Variants in USH2A observed in about 807,000 individuals in gnomAD.
USH2A encodes the protein usherin, also known as Usher syndrome 2A (autosomal recessive, mild).
A neutral mutation model predicts 538.9 loss-of-function variants in USH2A; 443 were observed. That is an observed-to-expected ratio of 0.82 (90% CI 0.76 to 0.89). USH2A has a LOEUF of 0.89. Among genes scored for constraint, USH2A ranks in the 40% least tolerant of loss-of-function variants. The pLI is 0.00. For synonymous variants in USH2A, 2,413 were observed against 2,273.5 expected, an observed-to-expected ratio of 1.06 and a Z score of -1.75; for missense variants, 6,633 against 6,324.8, an observed-to-expected ratio of 1.05 and a Z score of -1.65.
At position 215,647,693 on chromosome 1, in the gene USH2A, A is replaced by G. The variant is rs1314862124; in HGVS notation, c.14620T>C (p.Ser4874Pro). Residue 4874 changes from serine (S) to proline (P), a missense_variant, in exon 67 of 72, where the codon TCA becomes CCA. By Grantham distance (74) the Ser-to-Pro change is moderately conservative. Coordinates refer to ENST00000307340, the MANE Select transcript of USH2A (RefSeq NM_206933.4). Reference sequence around the variant, plus strand: ...TGGCTGGGAGTACAGGGGAGGGCTGAGTCAGGAGGGCAAGCCACGTGGAAT... The same window carrying G: ...TGGCTGGGAGTACAGGGGAGGGCTGGGTCAGGAGGGCAAGCCACGTGGAAT... ...LQFHVACPPD[S>P]ALPCTPSQIE... 2 of 1,614,190 alleles carry G rather than the reference A, an allele frequency of 1.2e-6. No homozygotes were observed. The highest frequency in any genetic ancestry group is 1.1e-5 in the South Asian group (1 of 91,080).
chr1:215,648,323 A>T (rs1656926159), intron 66 of USH2A, among the ~76,000 whole-genome samples: 1 of 152,218 alleles, frequency 6.6e-6, no homozygotes, highest in Non-Finnish European at 1.5e-5. Flanking sequence ...TTTATGATTT[A>T]AATACATCGC....
intron 10 of USH2A, 138 bp from the exon 11 acceptor site, chr1:216,289,548 C>T: frequency 8.8e-7 from 1 of 1,141,308 alleles, no homozygotes; most frequent in Non-Finnish European, 1.3e-6. Flanking sequence ...TTCATCTCTA[C>T]CTGCCAATTT....
At chr1:215,959,358 C>A (rs1029732036) in intron 37 of USH2A, among the ~76,000 whole-genome samples, 2 of 152,050 alleles carry the variant, frequency 1.3e-5, no homozygotes, top group Non-Finnish European at 2.9e-5. Flanking sequence ...ATGCTCATTT[C>A]ATGAGCATTT....
chr1:215,743,302 T>A lies in USH2A; in HGVS notation c.11423A>T (p.Asn3808Ile). 1.9e-6 allele frequency: 3 copies of A among 1,606,714 alleles called. No homozygotes were observed. Among genetic ancestry groups the A allele is most frequent in the Non-Finnish European group, 2.5e-6 (3 of 1,177,284 alleles). ...TACACTTCCATCATTGAGTAAGACA[T>A]TGTACTCCACAGGAATTTCGGGGAT... ...ILIPEIPVEYNVLLNDGSVTP... is the reference protein window; with the variant it reads ...ILIPEIPVEYIVLLNDGSVTP... Residue 3808 changes from asparagine (N) to isoleucine (I), a missense_variant, in exon 59 of 72, where the codon AAT becomes ATT. Physicochemically the swap from Asn to Ile is moderately radical, Grantham distance 149. Transcript: ENST00000307340.
At chr1:216,352,626 G>C (rs1041173892) in intron 4 of USH2A, among the ~76,000 whole-genome samples, 1 of 151,996 alleles carries the variant, frequency 6.6e-6, no homozygotes, top group Non-Finnish European at 1.5e-5. Context: ...AAATGGGGGA[G>C]GGTCAAGAAT....
chr1:215,954,888 C>G (rs1183999796), intron 37 of USH2A, among the ~76,000 whole-genome samples: 2 of 151,992 alleles, frequency 1.3e-5, no homozygotes, highest in Non-Finnish European at 2.9e-5. Flanking sequence ...CTACAATGTC[C>G]TTCTTTCATT....
intron 21 of USH2A, among the ~76,000 whole-genome samples, chr1:216,122,356 G>A (rs186058342): frequency 1.1e-3 from 171 of 152,292 alleles, no homozygotes; most frequent in Non-Finnish European, 1.9e-3. Context: ...GATAGAGCTG[G>A]AATAGAGACT....
intron 55 of USH2A, among the ~76,000 whole-genome samples, chr1:215,770,958 A>C (rs1169947865): frequency 1.3e-5 from 2 of 150,178 alleles, no homozygotes; most frequent in Admixed American, 6.6e-5. Flanking sequence ...AAAAAAAAAA[A>C]AAAAAAAAAC....
At chr1:215,964,789 C>T (rs964309826) in intron 37 of USH2A, among the ~76,000 whole-genome samples, 1 of 152,138 alleles carries the variant, frequency 6.6e-6, no homozygotes, top group Non-Finnish European at 1.5e-5. Context: ...TTTGAAAATA[C>T]TTTCAAGGAA....
chr1:216,186,008 C>T (rs1013177219), intron 20 of USH2A, among the ~76,000 whole-genome samples: 1 of 151,574 alleles, frequency 6.6e-6, no homozygotes, highest in African/African-American at 2.4e-5. Context: ...ATACTTTTGT[C>T]ATATAAGAGA....
intron 55 of USH2A, among the ~76,000 whole-genome samples, chr1:215,778,999 T>C (rs1224638507): frequency 6.6e-6 from 1 of 152,216 alleles, no homozygotes; most frequent in Non-Finnish European, 1.5e-5. Flanking sequence ...CTCCTATTAA[T>C]GTGTTCAGGA....
intron 48 of USH2A, among the ~76,000 whole-genome samples, chr1:215,815,704 G>A (rs1372049954): frequency 6.6e-6 from 1 of 151,558 alleles, no homozygotes; most frequent in Non-Finnish European, 1.5e-5. Context: ...CCCTATCTCA[G>A]GTATATTCTA....
At position 215,855,584 on chromosome 1, in the gene USH2A, C is replaced by T. The variant is rs575532134; in HGVS notation, c.8846-9551G>A. On this transcript the variant is annotated intron_variant, in intron 44 of 71. Coordinates refer to ENST00000307340, the MANE Select transcript of USH2A (RefSeq NM_206933.4). ...TGATCATACTGCCAAAAGCAATCTGCAAATTCAATGCAATTCCCATCAAAT... is the reference window on the plus strand; with the variant it reads ...TGATCATACTGCCAAAAGCAATCTGTAAATTCAATGCAATTCCCATCAAAT... Among the ~76,000 whole-genome samples the T allele has an allele frequency of 5.9e-5, 9 of 152,120 alleles. No individual in the cohort carries two copies. The South Asian group carries it at 1.9e-3, about 32-fold the overall frequency.
rs2102483303 is a variant in USH2A, at chr1:216,000,531, T to C, written c.6357A>G (p.Leu2119=). The change falls in exon 33 of 72, where the codon CTA becomes CTG. Residue 2119 remains leucine (L), a synonymous_variant. Transcript: ENST00000307340. Reference sequence around the variant, plus strand: ...AGCCCACATGTGTGCATGCACTTAGTAGAAACTGGTGGGGTGTAAATACTG... The same window carrying C: ...AGCCCACATGTGTGCATGCACTTAGCAGAAACTGGTGGGGTGTAAATACTG... The part of the protein sequence containing the change: ...DLAVFTPHQF[L]LSACTHVGCT... The C allele has an allele frequency of 6.2e-7, 1 of 1,613,590 alleles. No individual in the cohort carries two copies. The highest frequency in any genetic ancestry group is 8.5e-7 in the Non-Finnish European group (1 of 1,179,646).
chr1:215,895,954 AATG>A (rs1337447649), intron 40 of USH2A, among the ~76,000 whole-genome samples: 1 of 152,240 alleles, frequency 6.6e-6, no homozygotes, highest in South Asian at 2.1e-4. Context: ...TTTGTCACAC[AATG>A]ATAAGTGTGT....
intron 43 of USH2A, among the ~76,000 whole-genome samples, chr1:215,872,325 A>G (rs1244715512): frequency 6.6e-6 from 1 of 152,214 alleles, no homozygotes; most frequent in Admixed American, 6.5e-5. Flanking sequence ...GATTCTAAAA[A>G]TAGTATTGAA....
chr1:216,144,003 C>T (rs539414330), intron 21 of USH2A, among the ~76,000 whole-genome samples: 1 of 152,242 alleles, frequency 6.6e-6, no homozygotes, highest in African/African-American at 2.4e-5. Context: ...TTAGGGGGAA[C>T]TAGTAAATGA....
At chr1:215,770,229 G>A (rs1661240204) in intron 55 of USH2A, among the ~76,000 whole-genome samples, 1 of 152,118 alleles carries the variant, frequency 6.6e-6, no homozygotes. Flanking sequence ...CAAGCTCTAT[G>A]TTCTCCATCA....
chr1:215,650,619 G>C lies in USH2A; in HGVS notation c.14316C>G (p.Ser4772=). The change falls in exon 65 of 72, where the codon TCC becomes TCG. Residue 4772 remains serine, a synonymous_variant. Transcript: ENST00000307340. ...NGIVSLYRLF[S]SSAHGAETVL... ...CTGTCTCAGCCCCATGGGCGCTGCT[G>C]GAGAACAGCCTGTAGAGACTGACGA... is the stretch of plus-strand genomic sequence containing the variant. 1 of 1,614,162 alleles carries C rather than the reference G, an allele frequency of 6.2e-7. No individual in the cohort carries two copies.
Sources: allele counts gnomAD v4.1 joint callset (sites outside exome capture counted in the v4.1 genomes callset), GRCh38; gene constraint gnomAD v4.1.1; transcripts MANE v1.5; gene names NCBI Gene and HGNC (gene_info 2026-07-23, HGNC 2026-07-21).